SHTN1: variants seen among roughly 807,000 people sequenced by gnomAD.
The protein encoded by SHTN1 is shootin-1.
A neutral mutation model predicts 83.1 loss-of-function variants in SHTN1; 42 were observed. The observed-to-expected ratio is 0.51, with a 90% CI of 0.39 to 0.65. The LOEUF (loss-of-function observed/expected upper bound fraction) is 0.65, where lower values mean the gene tolerates loss of function less well. Among genes scored for constraint, SHTN1 ranks in the 30% least tolerant of loss-of-function variants. The pLI is 0.00. For synonymous variants in SHTN1, 224 were observed against 247.7 expected (o/e 0.90, Z 0.90); for missense variants, 622 against 737.8 (o/e 0.84, Z 1.82).
rs1852514934 is a variant in SHTN1, at chr10:117,037,471, CA to C, written c.-123+10973del. 2.0e-5 allele frequency among the ~76,000 whole-genome samples: 3 copies of C among 152,174 alleles called. No homozygotes were observed. In the South Asian group the frequency reaches 6.2e-4, roughly 32 times the overall value. ...CAAGGATAGGAAGACTCAATATTGT[CA>C]AAATGTCAGATCTTCCTAAGTTGAT... On this transcript the variant is annotated intron_variant, in intron 2 of 17. Transcript: ENST00000392901.
chr10:117,007,957 G>A (rs983495634), upstream of SHTN1, among the ~76,000 whole-genome samples: 3 of 151,728 alleles, frequency 2.0e-5, no homozygotes, highest in Non-Finnish European at 1.5e-5. Flanking sequence ...GCAGTGAGCC[G>A]AGATCATGCC....
chr10:116,908,442 A>G (rs950797114), intron 14 of SHTN1, among the ~76,000 whole-genome samples: 1 of 152,216 alleles, frequency 6.6e-6, no homozygotes, highest in Non-Finnish European at 1.5e-5. Context: ...GACAAGATAC[A>G]GAAAATAGAA....
At chr10:116,997,447 A>G (rs1191182335) in intron 1 of SHTN1, among the ~76,000 whole-genome samples, 1 of 152,138 alleles carries the variant, frequency 6.6e-6, no homozygotes, top group African/African-American at 2.4e-5. Flanking sequence ...CTACCCTTCA[A>G]TCCTTAAGGC....
At chr10:117,034,190 T>G (rs1282015069) in intron 2 of SHTN1, among the ~76,000 whole-genome samples, 1 of 152,160 alleles carries the variant, frequency 6.6e-6, no homozygotes, top group Non-Finnish European at 1.5e-5. Context: ...CTACAGCAAT[T>G]AGATTAGAGA....
chr10:116,886,177 C>A lies in SHTN1; in HGVS notation c.*167G>T. On this transcript the variant is annotated 3_prime_UTR_variant, in exon 17 of 17. Transcript: ENST00000355371. ...TAGGAATGTGTGTTTTGCTAAACAG[C>A]TTACTTATGTTTATAGTTGCTACTT... 1.0e-6 allele frequency: 1 copy of A among 961,988 alleles called. No homozygotes were observed. The highest frequency in any genetic ancestry group is 1.5e-6 in the Non-Finnish European group (1 of 664,612). The allele number at this position is 961,988 out of a possible 1,614,324, so 59.6% of individuals were successfully genotyped here.
intron 7 of SHTN1, among the ~76,000 whole-genome samples, 194 bp downstream of exon 7, chr10:116,948,717 AATCAC>A (rs1849672284): frequency 1.3e-5 from 2 of 152,246 alleles, no homozygotes; most frequent in African/African-American, 4.8e-5. Context: ...CCTCAAGTGA[AATCAC>A]TTTTAGATGT....
intron 15 of SHTN1, among the ~76,000 whole-genome samples, chr10:116,903,646 A>G (rs771162854): frequency 1.3e-5 from 2 of 152,244 alleles, no homozygotes; most frequent in Non-Finnish European, 2.9e-5. Context: ...TCCTGAAAAT[A>G]TAAATACGAA....
chr10:116,939,105 G>A (rs890776370), intron 9 of SHTN1, among the ~76,000 whole-genome samples: 5 of 152,204 alleles, frequency 3.3e-5, no homozygotes, highest in East Asian at 1.9e-4. Flanking sequence ...GCTGGGCTCC[G>A]TGGGGGTGGG....
At chr10:117,015,610 C>T (rs553801369) in intron 2 of SHTN1, among the ~76,000 whole-genome samples, 15 of 152,286 alleles carry the variant, frequency 9.8e-5, no homozygotes, top group African/African-American at 2.6e-4. Context: ...GGATTACAGG[C>T]GTGAGCCACC....
intron 3 of SHTN1, among the ~76,000 whole-genome samples, chr10:116,961,198 A>G (rs1850172615): frequency 6.6e-6 from 1 of 152,184 alleles, no homozygotes. Flanking sequence ...ACATAACACA[A>G]AGAGAGATTA....
rs534365962 is a variant in SHTN1, at chr10:117,125,841, T to C, written c.-189+466A>G. Among the ~76,000 whole-genome samples, 3 of 152,258 alleles carry C rather than the reference T, an allele frequency of 2.0e-5. No individual in the cohort carries two copies. The South Asian group carries it at 6.2e-4, about 32-fold the overall frequency. ...ACTAGGACAGAAAACTGAATTTGCC[T>C]TTAGCTCTTCCCGGGAAGGGACTAA... On this transcript the variant is annotated intron_variant, in intron 1 of 17. Transcript: ENST00000392901.
chr10:117,029,851 T>G (rs1852383657), intron 2 of SHTN1, among the ~76,000 whole-genome samples: 1 of 151,192 alleles, frequency 6.6e-6, no homozygotes, highest in Admixed American at 6.6e-5. Flanking sequence ...TCTTTCTCTC[T>G]CTCTCTCTCC....
intron 11 of SHTN1, among the ~76,000 whole-genome samples, 177 bp from the exon 12 acceptor site, chr10:116,921,693 A>C (rs1848573704): frequency 1.3e-5 from 2 of 152,186 alleles, no homozygotes; most frequent in Non-Finnish European, 2.9e-5. Flanking sequence ...AACACGTCTC[A>C]TCCTCTTCTG....
chr10:117,109,009 A>T (rs1363969296), intron 1 of SHTN1, among the ~76,000 whole-genome samples: 1 of 152,210 alleles, frequency 6.6e-6, no homozygotes, highest in Non-Finnish European at 1.5e-5. Context: ...ATTGACTAAG[A>T]CACTAGTGGT....
At chr10:116,948,063 G>C (rs1771759075) in intron 7 of SHTN1, among the ~76,000 whole-genome samples, 1 of 152,200 alleles carries the variant, frequency 6.6e-6, no homozygotes. Context: ...AACAAGGAAA[G>C]AGAGTGACTG....
chr10:116,919,327 G>T (rs904879377), intron 12 of SHTN1, among the ~76,000 whole-genome samples: 2 of 152,272 alleles, frequency 1.3e-5, no homozygotes, highest in African/African-American at 4.8e-5. Context: ...AGTACAGTAT[G>T]CATTATTCAA....
At chr10:117,126,155 C>T (rs1854003480) in intron 1 of SHTN1, among the ~76,000 whole-genome samples, 1 of 152,210 alleles carries the variant, frequency 6.6e-6, no homozygotes, top group Non-Finnish European at 1.5e-5. Flanking sequence ...CGCCGCTCCA[C>T]TGCCTTGGGT....
At chr10:116,953,278 T>C (rs1262985635) in intron 5 of SHTN1, among the ~76,000 whole-genome samples, 1 of 152,220 alleles carries the variant, frequency 6.6e-6, no homozygotes, top group Non-Finnish European at 1.5e-5. Context: ...CTTACAACAC[T>C]ACTTGTTAAC....
Position 116,884,272 on chromosome 10 carries a change from C to T in SHTN1, c.*2072G>A, listed in dbSNP as rs1197868075. Reference sequence around the variant, plus strand: ...GCTTTGGTTGACAGTGTCACCCCAGCCAGGGGCAAAACCCCCTCAAAACCA... The same window carrying T: ...GCTTTGGTTGACAGTGTCACCCCAGTCAGGGGCAAAACCCCCTCAAAACCA... On this transcript the variant is annotated 3_prime_UTR_variant, in exon 17 of 17. Coordinates refer to ENST00000355371, the MANE Select transcript of SHTN1 (RefSeq NM_001127211.3). 5 of 459,124 alleles carry T rather than the reference C, an allele frequency of 1.1e-5. No individual in the cohort carries two copies. In the East Asian group the frequency reaches 3.4e-4, roughly 31 times the overall value. 28.4% of individuals were successfully genotyped at this position (459,124 alleles called of 1,614,324 possible). A position where few individuals can be genotyped will look rare whatever the true frequency, so the allele number is the denominator to read the frequency against.
Sources: gnomAD v4.1 joint callset for allele counts (sites outside exome capture counted in the v4.1 genomes callset) on GRCh38, gnomAD v4.1.1 for gene constraint, MANE v1.5 for transcripts, NCBI Gene and HGNC (gene_info 2026-07-23, HGNC 2026-07-21) for gene names.